COL28A1: variants seen among roughly 807,000 people sequenced by gnomAD.
COL28A1 encodes the protein collagen type XXVIII alpha 1 chain.
Under a neutral mutation model 150.2 loss-of-function variants are expected in COL28A1, and 161 were observed. The observed-to-expected ratio is 1.07, with a 90% CI of 0.94 to 1.22. The LOEUF (loss-of-function observed/expected upper bound fraction) is 1.22, where lower values mean the gene tolerates loss of function less well. Among genes scored for constraint, COL28A1 ranks in the 50% most tolerant of loss-of-function variants. The pLI is 0.00. For synonymous variants in COL28A1, 552 were observed against 469.7 expected, an observed-to-expected ratio of 1.18 and a Z score of -2.26; for missense variants, 1,617 against 1,388.3, an observed-to-expected ratio of 1.16 and a Z score of -2.62.
intron 3 of COL28A1, among the ~76,000 whole-genome samples, chr7:7,527,816 T>A (rs1029329128): frequency 1.3e-5 from 2 of 152,132 alleles, no homozygotes; most frequent in Admixed American, 6.5e-5. Context: ...ATAAGGTTTA[T>A]GCTGTGAGAA....
intron 9 of COL28A1, among the ~76,000 whole-genome samples, chr7:7,508,512 A>G (rs906582203): frequency 6.6e-6 from 1 of 152,214 alleles, no homozygotes; most frequent in African/African-American, 2.4e-5. Context: ...AAGAGAGAGA[A>G]ACTTCCTCCA....
At chr7:7,431,682 A>G (rs1436695663) in intron 25 of COL28A1, 5 of 469,350 alleles carry the variant, frequency 1.1e-5, no homozygotes, top group African/African-American at 2.0e-5. Flanking sequence ...TCTAGGAAGG[A>G]ATGGTATATG....
Position 7,440,847 on chromosome 7 carries a change from CT to C in COL28A1, c.1664del (p.Lys555ArgfsTer129). The C allele has an allele frequency of 6.5e-7, 1 of 1,530,670 alleles. No homozygotes were observed. Among genetic ancestry groups the C allele is most frequent in the South Asian group, 1.1e-5 (1 of 88,940 alleles). 94.8% of individuals were successfully genotyped at this position (1,530,670 alleles called of 1,614,324 possible). On this transcript the variant is annotated frameshift_variant, in exon 21 of 35. Transcript: ENST00000399429. LOFTEE classifies it high-confidence loss of function. The part of the protein sequence containing the change: ...GQPGPKGDEG[K>X]KGSKGNQGQR... ...GTCCTTGATTTCCTTTGCTCCCTTT[CT>C]TGCCTTCGTCACCCTAACAAAATAA...
intron 11 of COL28A1, among the ~76,000 whole-genome samples, chr7:7,493,353 T>C (rs941527067): frequency 6.6e-6 from 1 of 152,060 alleles, no homozygotes; most frequent in African/African-American, 2.4e-5. Context: ...AAGAAATTGG[T>C]TTGGTCATTA....
intron 27 of COL28A1, among the ~76,000 whole-genome samples, chr7:7,398,456 T>A (rs946879026): frequency 6.6e-6 from 1 of 152,222 alleles, no homozygotes; most frequent in Non-Finnish European, 1.5e-5. Flanking sequence ...ACTATGTTGA[T>A]TGCTTCATGG....
At chr7:7,351,394 C>T (rs554429549), downstream of COL28A1, among the ~76,000 whole-genome samples, 10 of 152,262 alleles carry the variant, frequency 6.6e-5, no homozygotes, top group South Asian at 1.2e-3. Flanking sequence ...ATTACAGCAA[C>T]AGAAGGCAGT....
chr7:7,464,558 A>G (rs1787910712), intron 15 of COL28A1, among the ~76,000 whole-genome samples: 1 of 152,240 alleles, frequency 6.6e-6, no homozygotes, highest in Non-Finnish European at 1.5e-5. Context: ...TGCTCCTGAA[A>G]GATCACTGGG....
At chr7:7,435,418 G>T (rs1054337788) in intron 23 of COL28A1, among the ~76,000 whole-genome samples, 2 of 152,216 alleles carry the variant, frequency 1.3e-5, no homozygotes, top group African/African-American at 2.4e-5. Context: ...TCTGTGGGAA[G>T]TAGACGAACA....
At chr7:7,501,881 G>A (rs921178441) in intron 11 of COL28A1, among the ~76,000 whole-genome samples, 16 of 152,028 alleles carry the variant, frequency 1.1e-4, no homozygotes, top group Admixed American at 1.0e-3. Flanking sequence ...ACTGATTTCC[G>A]AGACTATTGA....
intron 27 of COL28A1, among the ~76,000 whole-genome samples, chr7:7,387,695 C>A (rs1782270036): frequency 6.6e-6 from 1 of 152,068 alleles, no homozygotes; most frequent in Non-Finnish European, 1.5e-5. Flanking sequence ...ATCTTTGCAA[C>A]TTTTTTTGCA....
At chr7:7,525,489 G>C (rs767814079) in intron 3 of COL28A1, among the ~76,000 whole-genome samples, 4 of 152,106 alleles carry the variant, frequency 2.6e-5, no homozygotes, top group Non-Finnish European at 4.4e-5. Context: ...TAGAAATTAT[G>C]TGTCAAACCA....
rs1562834256 is a variant in COL28A1 at position 7,497,094 on chromosome 7, A to AAGGAAGG, written c.1027-6449_1027-6448insCCTTCCT. Among the ~76,000 whole-genome samples the AAGGAAGG allele has an allele frequency of 7.7e-3, 947 of 123,786 alleles. 11 individuals are homozygous for AAGGAAGG. Among genetic ancestry groups the AAGGAAGG allele is most frequent in the East Asian group, 0.04 (164 of 4,092 alleles). The allele number at this position is 123,786 out of a possible 152,430, so 81.2% of individuals were successfully genotyped here. A position where few individuals can be genotyped will look rare whatever the true frequency, so the allele number is the denominator to read the frequency against. ...GAAAGGAAGGAAGAAAGGAAGGAAG[A>AAGGAAGG]AAGGAAGGAAGGAAGGAAGGAAGGA... On this transcript the variant is annotated intron_variant, in intron 11 of 34. Transcript: ENST00000399429.
At chr7:7,417,694 C>A in intron 27 of COL28A1, 165 bp downstream of exon 27, 1 of 668,348 alleles carries the variant, frequency 1.5e-6, no homozygotes, top group East Asian at 2.7e-5. Context: ...GTACTCATAC[C>A]ATTTTTACAC....
intron 2 of COL28A1, 49 bp from the exon 3 acceptor site, chr7:7,531,953 A>G: frequency 8.6e-7 from 1 of 1,156,308 alleles, no homozygotes; most frequent in Non-Finnish European, 1.3e-6. Flanking sequence ...CTATCATGAA[A>G]CAAATTTGCA....
At chr7:7,488,658 C>T (rs752186783) in intron 13 of COL28A1, among the ~76,000 whole-genome samples, 1 of 152,180 alleles carries the variant, frequency 6.6e-6, no homozygotes, top group African/African-American at 2.4e-5. Context: ...CTGTGAATAA[C>T]GCAGGTATTA....
the COL28A1 span, among the ~76,000 whole-genome samples, chr7:7,541,276 C>T: frequency 6.6e-6 from 1 of 151,900 alleles, no homozygotes; most frequent in Non-Finnish European, 1.5e-5. Context: ...GTAAATTATT[C>T]ATGGACAAAA....
rs1368077042 is a variant in COL28A1 at position 7,417,877 on chromosome 7, A to G, written c.2118T>C (p.Tyr706=). Residue 706 remains tyrosine, a synonymous_variant, in exon 27 of 35, where the codon TAT becomes TAC. Transcript: ENST00000399429. ...CACTTACTTTAATTCCCTGTGATCC[A>G]TAGCCAGGGGGGCCAGGAGGGCCAG... The part of the protein sequence containing the change: ...GLPGPPGPPG[Y]GSQGIKGEQG... The G allele has an allele frequency of 5.6e-6, 9 of 1,613,442 alleles. No individual in the cohort carries two copies. Among genetic ancestry groups the G allele is most frequent in the Non-Finnish European group, 7.6e-6 (9 of 1,179,656 alleles).
chr7:7,399,098 T>A (rs527616274), intron 27 of COL28A1, among the ~76,000 whole-genome samples: 1 of 152,302 alleles, frequency 6.6e-6, no homozygotes, highest in East Asian at 1.9e-4. Flanking sequence ...GTTTTCCATA[T>A]GCTAGCCATT....
In COL28A1 at chr7:7,419,887, T is replaced by C; in HGVS notation, c.2065A>G (p.Lys689Glu). 6.3e-7 allele frequency: 1 copy of C among 1,596,474 alleles called. No individual in the cohort carries two copies. Reference protein sequence around the residue: ...GPRGVGTQGPKGDTGQKGLPG... With the variant: ...GPRGVGTQGPEGDTGQKGLPG... ...AAAGCACTGAGCTGAGGACTCACCTTTGGCCCTTGGGTTCCTACGCCCCGA... is the reference window on the plus strand; with the variant it reads ...AAAGCACTGAGCTGAGGACTCACCTCTGGCCCTTGGGTTCCTACGCCCCGA... The change falls in exon 26 of 35, where the codon AAG (lysine) becomes GAG (glutamate). Residue 689 changes from lysine to glutamate, a missense_variant and splice_region_variant. Physicochemically the swap from Lys to Glu is moderately conservative, Grantham distance 56. Coordinates refer to ENST00000399429, the MANE Select transcript of COL28A1 (RefSeq NM_001037763.3).
Sources: allele counts gnomAD v4.1 joint callset (sites outside exome capture counted in the v4.1 genomes callset), GRCh38; gene constraint gnomAD v4.1.1; transcripts MANE v1.5; gene names NCBI Gene and HGNC (gene_info 2026-07-23, HGNC 2026-07-21).